The following GTF2F2 variants were observed in gnomAD, a reference collection of about 807,000 sequenced individuals.
GTF2F2 encodes the protein ATP-dependent helicase GTF2F2.
Under a neutral mutation model 42.2 loss-of-function variants are expected in GTF2F2, and 23 were observed. That is an observed-to-expected ratio of 0.55 (90% confidence interval 0.39 to 0.77). GTF2F2 has a LOEUF of 0.77. Among genes scored for constraint, GTF2F2 ranks in the 30% least tolerant of loss-of-function variants. The pLI, the probability that GTF2F2 is intolerant of heterozygous loss-of-function variation, is 0.00. For synonymous variants in GTF2F2, 105 were observed against 100.8 expected (o/e 1.04, Z -0.25); for missense variants, 261 against 287.2 (o/e 0.91, Z 0.66).
intron 5 of GTF2F2, among the ~76,000 whole-genome samples, chr13:45,245,666 AATATATATATATATATATATAT>A (rs372488927): frequency 1.1e-4 from 12 of 110,862 alleles, no homozygotes; most frequent in Admixed American, 3.6e-4. Flanking sequence ...CCATGGTGTG[AATATATATATATATATATATAT>A]ATATATATAT....
intron 4 of GTF2F2, among the ~76,000 whole-genome samples, chr13:45,160,584 G>A (rs1194574527): frequency 1.3e-5 from 2 of 152,064 alleles, no homozygotes; most frequent in Non-Finnish European, 2.9e-5. Flanking sequence ...TCTTTTGAAT[G>A]TTGACACGTT....
intron 6 of GTF2F2, among the ~76,000 whole-genome samples, chr13:45,259,018 T>G (rs1876220384): frequency 6.6e-6 from 1 of 152,204 alleles, no homozygotes; most frequent in Non-Finnish European, 1.5e-5. Flanking sequence ...TCATGGCCTC[T>G]TATAAACTTT....
At chr13:45,220,652 G>A (rs543930880) in intron 5 of GTF2F2, among the ~76,000 whole-genome samples, 27 of 152,254 alleles carry the variant, frequency 1.8e-4, no homozygotes, top group Admixed American at 3.3e-4. Context: ...CCCTGGTAAA[G>A]CCGAGATGGA....
intron 1 of GTF2F2, among the ~76,000 whole-genome samples, chr13:45,129,277 T>G (rs1263414378): frequency 6.6e-6 from 1 of 152,198 alleles, no homozygotes; most frequent in Non-Finnish European, 1.5e-5. Context: ...GGCACGATCA[T>G]GGTTCGCTGC....
chr13:45,279,199 A>G (rs1015554223), intron 7 of GTF2F2, among the ~76,000 whole-genome samples: 42 of 152,270 alleles, frequency 2.8e-4, no homozygotes, highest in African/African-American at 7.7e-4. Flanking sequence ...CTGAGTGTCT[A>G]CCATTCCACC....
chr13:45,151,911 CTTTTTTTTTTTT>C lies in GTF2F2; in HGVS notation c.304+90_304+101del, dbSNP rs773005628. The stretch of plus-strand genomic sequence containing the variant: ...CTGTCTCAACATACACTCCTATTTG[CTTTTTTTTTTTT>C]TTTTTTTTTGCGATGGAGTTTCGCT... On this transcript the variant is annotated intron_variant, in intron 4 of 7. Transcript: ENST00000340473. 146 of 142,208 alleles carry C rather than the reference CTTTTTTTTTTTT, an allele frequency of 1.0e-3. 1 individual carries two copies. In the East Asian group the frequency reaches 0.019, roughly 19 times the overall value. The allele number at this position is 142,208 out of a possible 1,614,324, so 8.8% of individuals were successfully genotyped here.
intron 6 of GTF2F2, among the ~76,000 whole-genome samples, chr13:45,265,471 A>T (rs78218019): frequency 6.6e-6 from 1 of 152,062 alleles, no homozygotes; most frequent in African/African-American, 2.4e-5. Flanking sequence ...TACTCTCCCC[A>T]TATCTTAGCG....
chr13:45,212,916 G>C (rs1302014746), intron 5 of GTF2F2, among the ~76,000 whole-genome samples: 1 of 151,070 alleles, frequency 6.6e-6, no homozygotes, highest in Non-Finnish European at 1.5e-5. Flanking sequence ...TAATTTTTGT[G>C]TTTTTAGTAG....
chr13:45,282,045 A>G (rs943554806), intron 7 of GTF2F2, among the ~76,000 whole-genome samples: 4 of 152,104 alleles, frequency 2.6e-5, no homozygotes, highest in African/African-American at 9.7e-5. Context: ...CTAAAAATAC[A>G]AAAAATTTAG....
chr13:45,224,555 A>T (rs552026346), intron 5 of GTF2F2, among the ~76,000 whole-genome samples: 2 of 152,314 alleles, frequency 1.3e-5, no homozygotes, highest in South Asian at 4.1e-4. Flanking sequence ...AAAATAGAAA[A>T]TATGTAGAAT....
intron 5 of GTF2F2, among the ~76,000 whole-genome samples, chr13:45,213,444 A>G (rs1241148217): frequency 6.6e-6 from 1 of 152,166 alleles, no homozygotes; most frequent in East Asian, 1.9e-4. Flanking sequence ...CCAACCCAGC[A>G]TCACTTACTC....
At chr13:45,151,628 A>G (rs13378297) in intron 3 of GTF2F2, 59 bp from the exon 4 acceptor site, 4 of 1,041,304 alleles carry the variant, frequency 3.8e-6, no homozygotes, top group South Asian at 1.6e-5. Flanking sequence ...ACAAAAATTT[A>G]TATATATATA....
At chr13:45,163,984 T>C (rs1239579207) in intron 4 of GTF2F2, among the ~76,000 whole-genome samples, 3 of 152,096 alleles carry the variant, frequency 2.0e-5, no homozygotes, top group Non-Finnish European at 4.4e-5. Context: ...CGAAACCCCG[T>C]CTCTACTGAA....
At chr13:45,261,006 A>T (rs1876317214) in intron 6 of GTF2F2, among the ~76,000 whole-genome samples, 1 of 152,214 alleles carries the variant, frequency 6.6e-6, no homozygotes. Flanking sequence ...CACGCCTGTA[A>T]TCTCAGCTAT....
intron 2 of GTF2F2, among the ~76,000 whole-genome samples, chr13:45,148,386 C>T (rs1354847271): frequency 7.2e-5 from 11 of 152,166 alleles, no homozygotes; most frequent in Non-Finnish European, 1.5e-5. Context: ...TAGAGTTTAT[C>T]TCCTCCCCTT....
intron 4 of GTF2F2, among the ~76,000 whole-genome samples, chr13:45,180,575 A>T (rs1400084462): frequency 6.6e-6 from 1 of 152,110 alleles, no homozygotes; most frequent in Admixed American, 6.6e-5. Context: ...TAAGGAAAAG[A>T]TTGCTCATTT....
intron 6 of GTF2F2, among the ~76,000 whole-genome samples, chr13:45,257,096 AT>A (rs1332956289): frequency 1.3e-5 from 2 of 152,202 alleles, no homozygotes; most frequent in African/African-American, 4.8e-5. Flanking sequence ...TAAAGAAAAT[AT>A]CCAATTTTGT....
At chr13:45,221,468 A>C (rs1017253748) in intron 5 of GTF2F2, among the ~76,000 whole-genome samples, 1 of 152,162 alleles carries the variant, frequency 6.6e-6, no homozygotes, top group Admixed American at 6.6e-5. Context: ...TATCCATGTA[A>C]CCAAAAACCA....
chr13:45,124,413 G>T (rs12856364), intron 1 of GTF2F2, among the ~76,000 whole-genome samples: 30 of 150,386 alleles, frequency 2.0e-4, no homozygotes, highest in African/African-American at 7.1e-4. Flanking sequence ...AATTATTTTT[G>T]CGGCCAGGCA....
Sources: gnomAD v4.1 joint callset for allele counts (sites outside exome capture counted in the v4.1 genomes callset) on GRCh38, gnomAD v4.1.1 for gene constraint, MANE v1.5 for transcripts, NCBI Gene and HGNC (gene_info 2026-07-23, HGNC 2026-07-21) for gene names.